CHD1L: variants seen among roughly 807,000 people sequenced by gnomAD.
The protein encoded by CHD1L is chromodomain helicase DNA binding protein 1 like.
CHD1L carries 118 observed loss-of-function variants against 115.9 expected under a neutral mutation model. That is an observed-to-expected ratio of 1.02 (90% CI 0.88 to 1.19). The LOEUF (loss-of-function observed/expected upper bound fraction) is 1.19, where lower values mean the gene tolerates loss of function less well. Ranked by LOEUF, CHD1L falls within the 50% of genes most tolerant of loss-of-function variation. CHD1L has a pLI of 0.00. For missense variants in CHD1L, 1,179 were observed against 1,065.3 expected (o/e 1.11, Z -1.49); for synonymous variants, 411 against 387.1 (o/e 1.06, Z -0.72).
In CHD1L at chr1:147,287,801, C is replaced by T. The variant is rs782005380; in HGVS notation, c.2320+68C>T. On this transcript the variant is annotated intron_variant, in intron 19 of 22. Coordinates refer to ENST00000369258, the MANE Select transcript of CHD1L (RefSeq NM_004284.6). Reference sequence around the variant, plus strand: ...GAGAAGAGGACACCTAAGACTGTATCGTGAGGGTTACACAGCACTAGATAA... The same window carrying T: ...GAGAAGAGGACACCTAAGACTGTATTGTGAGGGTTACACAGCACTAGATAA... 2.6e-5 allele frequency: 35 copies of T among 1,322,344 alleles called. No individual in the cohort carries two copies. The African/African-American group carries it at 2.9e-4, about 11-fold the overall frequency. The allele number at this position is 1,322,344 out of a possible 1,614,324, so 81.9% of individuals were successfully genotyped here.
the CHD1L span, among the ~76,000 whole-genome samples, chr1:147,181,698 T>G: frequency 1.3e-5 from 2 of 152,244 alleles, no homozygotes; most frequent in Non-Finnish European, 2.9e-5. Flanking sequence ...CATGTTTAGC[T>G]GTTTTGATGC....
intron 19 of CHD1L, among the ~76,000 whole-genome samples, chr1:147,290,511 G>A (rs1366442892): frequency 2.0e-5 from 3 of 152,170 alleles, no homozygotes; most frequent in Non-Finnish European, 4.4e-5. Flanking sequence ...AGATGTCTTT[G>A]CAGAAGTATA....
At chr1:147,218,265 C>T in the CHD1L span, among the ~76,000 whole-genome samples, 5 of 147,392 alleles carry the variant, frequency 3.4e-5, no homozygotes, top group Admixed American at 1.4e-4. Flanking sequence ...GAGATGGAGT[C>T]TCACTCTGTC....
intron 5 of CHD1L, among the ~76,000 whole-genome samples, chr1:147,258,670 C>G (rs1670916401): frequency 6.6e-6 from 1 of 152,198 alleles, no homozygotes; most frequent in East Asian, 1.9e-4. Context: ...CTCTGCCTGT[C>G]CTCTGGAGTT....
chr1:147,204,375 T>C, the CHD1L span: 5 of 1,039,568 alleles, frequency 4.8e-6, no homozygotes, highest in African/African-American at 3.1e-5. Flanking sequence ...TAGATACGCA[T>C]GCCTGAACAA....
the CHD1L span, among the ~76,000 whole-genome samples, chr1:147,182,863 G>A: frequency 3.9e-5 from 6 of 152,080 alleles, no homozygotes; most frequent in African/African-American, 1.4e-4. Flanking sequence ...AATTATAGAC[G>A]AGGACATATC....
At chr1:147,293,344 G>T (rs1476610148) in intron 20 of CHD1L, among the ~76,000 whole-genome samples, 1 of 151,808 alleles carries the variant, frequency 6.6e-6, no homozygotes, top group African/African-American at 2.4e-5. Context: ...CTTTTGGAAA[G>T]TATATGTTTT....
At chr1:147,201,003 T>C in the CHD1L span, 1 of 649,942 alleles carries the variant, frequency 1.5e-6, no homozygotes, top group Non-Finnish European at 2.6e-6. Flanking sequence ...CTACTTTAGA[T>C]TCACTCAAAA....
chr1:147,264,618 G>A, intron 7 of CHD1L, 34 bp downstream of exon 7: 1 of 1,607,298 alleles, frequency 6.2e-7, no homozygotes, highest in Non-Finnish European at 8.5e-7. Flanking sequence ...TCCCCAAGAA[G>A]CCTTGGCACA....
chr1:147,266,155 A>G (rs1673837246), intron 8 of CHD1L, 68 bp downstream of exon 8: 2 of 1,399,814 alleles, frequency 1.4e-6, no homozygotes, highest in Non-Finnish European at 9.8e-7. Context: ...AAAATATTTT[A>G]TAATCACACT....
At chr1:147,288,353 G>GAA (rs1684219555) in intron 19 of CHD1L, among the ~76,000 whole-genome samples, 1 of 62,616 alleles carries the variant, frequency 1.6e-5, no homozygotes, top group Non-Finnish European at 3.3e-5. Flanking sequence ...AAAAGAAAAA[G>GAA]AGAACTATTG....
At chr1:147,251,223 A>G (rs371529647) in intron 1 of CHD1L, among the ~76,000 whole-genome samples, 29 of 152,254 alleles carry the variant, frequency 1.9e-4, no homozygotes, top group African/African-American at 7.0e-4. Flanking sequence ...CAGTTGGCTG[A>G]TTTCTTGAAC....
chr1:147,275,575 AC>A, intron 13 of CHD1L, 107 bp downstream of exon 13: 1 of 799,664 alleles, frequency 1.3e-6, no homozygotes, highest in Admixed American at 2.2e-5. Flanking sequence ...GAGCTGAGAG[AC>A]CACCAGGTTT....
At chr1:147,269,089 G>A (rs1039578858) in intron 10 of CHD1L, among the ~76,000 whole-genome samples, 23 of 152,054 alleles carry the variant, frequency 1.5e-4, no homozygotes, top group Admixed American at 1.0e-3. Flanking sequence ...AATTTGTACA[G>A]CACTTATAAT....
chr1:147,182,599 C>T, the CHD1L span, among the ~76,000 whole-genome samples: 1 of 152,104 alleles, frequency 6.6e-6, no homozygotes, highest in Non-Finnish European at 1.5e-5. Context: ...GTGTTAAAAC[C>T]AACTACAGGA....
rs587622399 is a variant in CHD1L, at chr1:147,280,193, T to G, written c.1705+2T>G. 4.2e-5 allele frequency: 66 copies of G among 1,585,310 alleles called. 1 individual carries two copies. The highest frequency in any genetic ancestry group is 2.5e-4 in the Admixed American group (14 of 55,800). On this transcript the variant is annotated splice_donor_variant, in intron 15 of 22. Coordinates refer to ENST00000369258, the MANE Select transcript of CHD1L (RefSeq NM_004284.6). LOFTEE classifies it high-confidence loss of function. The stretch of plus-strand genomic sequence containing the variant: ...GGAGCAGAGATCAAGAGGAAGGAAG[T>G]AAGTTGGAGGTTAGAGCAGAGCAAA...
rs146371439 is a variant in CHD1L, at chr1:147,273,811, C to T, written c.1270+1530C>T. 5.9e-3 allele frequency among the ~76,000 whole-genome samples: 894 copies of T among 152,314 alleles called. 3 individuals are homozygous for T. The highest frequency in any genetic ancestry group is 9.3e-3 in the Non-Finnish European group (633 of 68,024). On this transcript the variant is annotated intron_variant, in intron 12 of 22. Transcript: ENST00000369258. ...TCTTCTCCAAACACTGTTGTGTTTGCTGTCACAGTTTTGTTGTAGTTTTGC... is the reference window on the plus strand; with the variant it reads ...TCTTCTCCAAACACTGTTGTGTTTGTTGTCACAGTTTTGTTGTAGTTTTGC...
chr1:147,291,927 T>C (rs1238085631), intron 20 of CHD1L, among the ~76,000 whole-genome samples: 4 of 151,958 alleles, frequency 2.6e-5, no homozygotes, highest in Non-Finnish European at 5.9e-5. Context: ...ATTGCCCCTT[T>C]AAAGACTCTG....
chr1:147,295,357 TACTAGAGAACTAG>T, intron 22 of CHD1L, 61 bp from the exon 23 acceptor site: 1 of 933,476 alleles, frequency 1.1e-6, no homozygotes, highest in Non-Finnish European at 1.8e-6. Context: ...TTTCAATAAT[TACTAGAGAACTAG>T]TCGTTTTGGT....
Sources: allele counts gnomAD v4.1 joint callset (sites outside exome capture counted in the v4.1 genomes callset), GRCh38; gene constraint gnomAD v4.1.1; transcripts MANE v1.5; gene names NCBI Gene and HGNC (gene_info 2026-07-23, HGNC 2026-07-21).